The following FMN1 variants were observed in gnomAD, a reference collection of about 807,000 sequenced individuals.
FMN1 encodes formin 1.
A neutral mutation model predicts 132.4 loss-of-function variants in FMN1; 110 were observed. That is an observed-to-expected ratio of 0.83 (90% CI 0.71 to 0.97). The LOEUF (loss-of-function observed/expected upper bound fraction) is 0.97, where lower values mean the gene tolerates loss of function less well. FMN1 is among the 50% of genes least tolerant of loss of function. The pLI is 0.00. For synonymous variants in FMN1, 722 were observed against 651.7 expected (o/e 1.11, Z -1.64); for missense variants, 1,792 against 1,705.3 (o/e 1.05, Z -0.90).
intron 9 of FMN1, 52 bp downstream of exon 9, chr15:32,964,055 A>C (rs1315170795): frequency 7.1e-7 from 1 of 1,415,896 alleles, no homozygotes; most frequent in Admixed American, 1.8e-5. Flanking sequence ...ACACATATAT[A>C]CCATTTCCCT....
At chr15:33,099,781 TCAC>T (rs2039224532) in intron 4 of FMN1, among the ~76,000 whole-genome samples, 1 of 152,196 alleles carries the variant, frequency 6.6e-6, no homozygotes, top group African/African-American at 2.4e-5. Flanking sequence ...TCTAGTTTTC[TCAC>T]TAAACAAAAA....
intron 7 of FMN1, among the ~76,000 whole-genome samples, chr15:32,999,283 A>C (rs991352037): frequency 2.0e-5 from 3 of 152,212 alleles, no homozygotes; most frequent in African/African-American, 7.2e-5. Flanking sequence ...TGAAGAATAC[A>C]AAAAAATGGA....
chr15:33,008,022 TTTCAA>T lies in FMN1; in HGVS notation c.2210_2214del (p.Ile737LysfsTer7). On this transcript the variant is annotated frameshift_variant, in exon 7 of 21. Coordinates refer to ENST00000616417, the MANE Select transcript of FMN1 (RefSeq NM_001277313.2). LOFTEE classifies it high-confidence loss of function. The stretch of plus-strand genomic sequence containing the variant: ...GCATCAAAGAGGCATACCTGCAGGT[TTTCAA>T]TTTCTTCTTTGTGCTCCCTCTTCAA... 1 of 1,600,474 alleles carries T rather than the reference TTTCAA, an allele frequency of 6.2e-7. No homozygotes were observed. Among genetic ancestry groups the T allele is most frequent in the Non-Finnish European group, 8.5e-7 (1 of 1,172,732 alleles).
chr15:33,178,269 T>C (rs776133805), intron 3 of FMN1, among the ~76,000 whole-genome samples: 14 of 152,104 alleles, frequency 9.2e-5, no homozygotes, highest in Non-Finnish European at 1.6e-4. Context: ...ACTTCCAAGG[T>C]TTTTCTTTCT....
At chr15:33,055,750 C>T (rs2037187818) in intron 6 of FMN1, among the ~76,000 whole-genome samples, 1 of 151,920 alleles carries the variant, frequency 6.6e-6, no homozygotes, top group Admixed American at 6.6e-5. Flanking sequence ...CTCAAAATGC[C>T]CTAACCAATA....
At chr15:32,802,483 C>A (rs148167539) in intron 18 of FMN1, among the ~76,000 whole-genome samples, 9 of 152,298 alleles carry the variant, frequency 5.9e-5, no homozygotes, top group African/African-American at 2.2e-4. Context: ...CTGACCACAA[C>A]CTCCTTAAAG....
intron 6 of FMN1, among the ~76,000 whole-genome samples, chr15:33,053,677 A>C (rs2037083658): frequency 2.6e-5 from 4 of 152,130 alleles, no homozygotes; most frequent in Admixed American, 2.6e-4. Context: ...ACAGACCTAA[A>C]AAAAAAATGC....
chr15:33,160,564 A>G (rs930655072), intron 3 of FMN1, among the ~76,000 whole-genome samples: 11 of 152,250 alleles, frequency 7.2e-5, no homozygotes, highest in African/African-American at 2.7e-4. Flanking sequence ...AGAGAAAAAA[A>G]GCAAAAGGAC....
intron 16 of FMN1, among the ~76,000 whole-genome samples, chr15:32,878,406 A>T (rs922307021): frequency 6.6e-6 from 1 of 152,184 alleles, no homozygotes; most frequent in African/African-American, 2.4e-5. Flanking sequence ...AAGGAAGACC[A>T]AGAGTGGAAG....
At chr15:33,164,508 T>C (rs1965020463) in intron 3 of FMN1, among the ~76,000 whole-genome samples, 1 of 152,216 alleles carries the variant, frequency 6.6e-6, no homozygotes, top group South Asian at 2.1e-4. Context: ...TTTTTTGACC[T>C]ACAAACCAAC....
intron 4 of FMN1, among the ~76,000 whole-genome samples, chr15:33,099,863 T>C (rs1407031435): frequency 3.9e-5 from 6 of 152,170 alleles, no homozygotes; most frequent in Non-Finnish European, 7.3e-5. Context: ...GTAGCATAAA[T>C]CTCTGCAATT....
rs919962729 is a variant in FMN1 at position 32,926,661 on chromosome 15, T to A, written c.3139-400A>T. Among the ~76,000 whole-genome samples the A allele has an allele frequency of 7.2e-5, 11 of 152,318 alleles. No homozygotes were observed. The South Asian group carries it at 2.1e-3, about 29-fold the overall frequency. ...TCATAGCCTCCAATCTTTTTAGTAA[T>A]GTCATCTTCTGAGTGATTTAGGGGA... On this transcript the variant is annotated intron_variant, in intron 9 of 20. Transcript: ENST00000616417.
chr15:33,040,924 T>C (rs1001761925), intron 6 of FMN1, among the ~76,000 whole-genome samples: 2 of 152,214 alleles, frequency 1.3e-5, no homozygotes, highest in African/African-American at 4.8e-5. Flanking sequence ...ACTGGATACT[T>C]TGGTACTTAA....
Position 32,888,172 on chromosome 15 carries a change from C to T in FMN1, c.3835G>A (p.Ala1279Thr), listed in dbSNP as rs748227313. 9.4e-6 allele frequency: 15 copies of T among 1,604,004 alleles called. No homozygotes were observed. The highest frequency in any genetic ancestry group is 1.3e-5 in the African/African-American group (1 of 74,242). The change falls in exon 16 of 21, where the codon GCA becomes ACA. Residue 1279 changes from alanine to threonine, a missense_variant and splice_region_variant. Ala to Thr is a moderately conservative substitution (Grantham distance 58, BLOSUM62 0). Transcript: ENST00000616417. ...ATAATAGCAGAACAGTTCCTATTAC[C>T]TTCTAGTTGCCTCTTCAGTTTTCTC... ...DLRKLKRQLE[A>T]SEKQMVVVCK...
chr15:32,991,209 C>G (rs77526168), intron 7 of FMN1, among the ~76,000 whole-genome samples: 1 of 152,106 alleles, frequency 6.6e-6, no homozygotes, highest in Non-Finnish European at 1.5e-5. Flanking sequence ...AGAAGAAATG[C>G]CACCTCTTTC....
At chr15:33,149,110 T>A (rs556301149) in intron 4 of FMN1, among the ~76,000 whole-genome samples, 9 of 152,010 alleles carry the variant, frequency 5.9e-5, no homozygotes, top group African/African-American at 2.2e-4. Context: ...TAAAGAGAAA[T>A]AAAATTAATG....
chr15:33,055,610 A>C (rs1250107585), intron 6 of FMN1, among the ~76,000 whole-genome samples: 6 of 51,452 alleles, frequency 1.2e-4, no homozygotes, highest in Non-Finnish European at 1.8e-4. Context: ...ACTCATAGAC[A>C]AAAAAAAACA....
At chr15:32,917,928 T>G (rs2060724347) in intron 10 of FMN1, among the ~76,000 whole-genome samples, 1 of 152,212 alleles carries the variant, frequency 6.6e-6, no homozygotes, top group African/African-American at 2.4e-5. Context: ...TTTCATTTAT[T>G]TAGTATATAC....
chr15:32,819,447 T>C (rs985200460), intron 17 of FMN1, among the ~76,000 whole-genome samples: 2 of 152,146 alleles, frequency 1.3e-5, no homozygotes, highest in African/African-American at 4.8e-5. Flanking sequence ...TTATGGCTGG[T>C]CACTAACTTT....
Sources: gnomAD v4.1 joint callset for allele counts (sites outside exome capture counted in the v4.1 genomes callset) on GRCh38, gnomAD v4.1.1 for gene constraint, MANE v1.5 for transcripts, NCBI Gene and HGNC (gene_info 2026-07-23, HGNC 2026-07-21) for gene names.